DHX16: variants seen among roughly 807,000 people sequenced by gnomAD.
DHX16 encodes DEAH-box helicase 16.
Under a neutral mutation model 131.2 loss-of-function variants are expected in DHX16, and 81 were observed. The ratio of observed to expected loss-of-function variants is 0.62; its 90% CI spans 0.52 to 0.74. DHX16 has a LOEUF of 0.74. DHX16 is among the 30% of genes least tolerant of loss of function. The pLI, the probability that DHX16 is intolerant of heterozygous loss-of-function variation, is 0.00. For synonymous variants in DHX16, 440 were observed against 520.2 expected (o/e 0.85, Z 2.10); for missense variants, 980 against 1,363.1 (o/e 0.72, Z 4.43).
chr6:30,660,386 G>A (rs979266810), intron 9 of DHX16, 144 bp from the exon 10 acceptor site: 5 of 630,746 alleles, frequency 7.9e-6, no homozygotes, highest in Non-Finnish European at 1.2e-5. Flanking sequence ...GGAGAAGTCA[G>A]CCATCCCACT....
chr6:30,671,217 C>T lies in DHX16; in HGVS notation c.265G>A (p.Ala89Thr), dbSNP rs766509801. 6.2e-7 allele frequency: 1 copy of T among 1,613,044 alleles called. No individual in the cohort carries two copies. Among genetic ancestry groups the T allele is most frequent in the Non-Finnish European group, 8.5e-7 (1 of 1,180,028 alleles). ...PARAAEREAR[A>T]LLEKNRSYRL... ...TAAGATCGGTTCTTCTCCAGCAGGGCCCGGGCCTCTCGCTCTGCTGCCCGA... is the reference window on the plus strand; with the variant it reads ...TAAGATCGGTTCTTCTCCAGCAGGGTCCGGGCCTCTCGCTCTGCTGCCCGA... Residue 89 changes from alanine to threonine, a missense_variant, in exon 2 of 20, where the codon GCC becomes ACC. Around this residue, in one of 3 missense-constraint regions of DHX16, gnomAD observed 457 missense variants for 554.8 expected, o/e 0.82. Coordinates refer to ENST00000376442, the MANE Select transcript of DHX16 (RefSeq NM_003587.5).
At chr6:30,655,139 T>C (rs373398176) in intron 18 of DHX16, 36 bp downstream of exon 18, 25 of 1,613,240 alleles carry the variant, frequency 1.5e-5, no homozygotes, top group African/African-American at 5.3e-5. Flanking sequence ...GGGAAGGTAC[T>C]GGGGGTGGAA....
In DHX16 at chr6:30,672,937, A is replaced by C; in HGVS notation, c.-96T>G. The stretch of plus-strand genomic sequence containing the variant: ...GCCTGGAGCCCTCGGCTGGAGCCTC[A>C]GCTTCGCAAGTCAGCTACCTTGGGA... On this transcript the variant is annotated 5_prime_UTR_variant, in exon 1 of 20. The change abolishes the stop of an existing upstream ORF in the 5' untranslated region. Coordinates refer to ENST00000376442, the MANE Select transcript of DHX16 (RefSeq NM_003587.5). 6.4e-7 allele frequency: 1 copy of C among 1,563,052 alleles called. No homozygotes were observed. Among genetic ancestry groups the C allele is most frequent in the Non-Finnish European group, 8.7e-7 (1 of 1,153,526 alleles).
chr6:30,669,626 G>A (rs1395172047), intron 4 of DHX16, among the ~76,000 whole-genome samples: 1 of 150,704 alleles, frequency 6.6e-6, no homozygotes, highest in African/African-American at 2.4e-5. Flanking sequence ...GCGTGGTGGT[G>A]TGCGCCTGTA....
In DHX16 at chr6:30,672,301, G is replaced by C. The variant is rs563670000; in HGVS notation, c.207+334C>G. Reference sequence around the variant, plus strand: ...ACGACCGCACTCCAGCCTGGGCGACGGGGCGAGCGAGACTGTGTCTCTCAA... The same window carrying C: ...ACGACCGCACTCCAGCCTGGGCGACCGGGCGAGCGAGACTGTGTCTCTCAA... On this transcript the variant is annotated intron_variant, in intron 1 of 19. Coordinates refer to ENST00000376442, the MANE Select transcript of DHX16 (RefSeq NM_003587.5). Among the ~76,000 whole-genome samples the C allele has an allele frequency of 9.9e-4, 150 of 151,022 alleles. 1 individual carries two copies. Among genetic ancestry groups the C allele is most frequent in the African/African-American group, 3.5e-3 (143 of 41,104 alleles).
intron 7 of DHX16, among the ~76,000 whole-genome samples, chr6:30,664,102 CT>C (rs1768779175): frequency 6.6e-6 from 1 of 152,044 alleles, no homozygotes; most frequent in Non-Finnish European, 1.5e-5. Flanking sequence ...GTGGGATGAT[CT>C]CTTGAGCCCA....
rs774747303 is a variant in DHX16 at position 30,662,656 on chromosome 6, G to C, written c.1515C>G (p.Phe505Leu). 2 of 1,613,114 alleles carry C rather than the reference G, an allele frequency of 1.2e-6. No homozygotes were observed. The highest frequency in any genetic ancestry group is 2.2e-5 in the South Asian group (2 of 91,088). Residue 505 changes from phenylalanine (F) to leucine (L), a missense_variant, in exon 9 of 20, where the codon TTC becomes TTG. Coordinates refer to ENST00000376442, the MANE Select transcript of DHX16 (RefSeq NM_003587.5). This position sits in a 1 kb window ranked among gnomAD's most constrained non-coding sequence, Gnocchi z 4.7. ...YMTDGMLLREFLSEPDLASYS... is the reference protein window; with the variant it reads ...YMTDGMLLRELLSEPDLASYS... ...AACTCGCCAGGTCAGGCTCAGAGAG[G>C]AACTCCCGGAGAAGCATCCCATCTG...
At position 30,656,352 on chromosome 6, in the gene DHX16, CT is replaced by C; in HGVS notation, c.2430+38del. The C allele has an allele frequency of 6.2e-7, 1 of 1,611,350 alleles. No individual in the cohort carries two copies. The highest frequency in any genetic ancestry group is 8.5e-7 in the Non-Finnish European group (1 of 1,177,726). On this transcript the variant is annotated intron_variant, in intron 15 of 19. Transcript: ENST00000376442. The surrounding 1 kb of genome is among the most constrained non-coding windows in gnomAD (Gnocchi z 5.1). ...GGGGTCCCTGGAGCCATCCTGACCC[CT>C]ATCATCCTGCCTCCACCCATGCTGT...
In DHX16 at chr6:30,672,924, C is replaced by T. The variant is rs1422046325; in HGVS notation, c.-83G>A. The T allele has an allele frequency of 1.9e-6, 3 of 1,573,758 alleles. No individual in the cohort carries two copies. The highest frequency in any genetic ancestry group is 3.8e-5 in the Admixed American group (2 of 53,296). On this transcript the variant is annotated 5_prime_UTR_variant, in exon 1 of 20. Transcript: ENST00000376442. ...GGGCCGGTCAGAGGCCTGGAGCCCT[C>T]GGCTGGAGCCTCAGCTTCGCAAGTC...
In DHX16 at chr6:30,671,153, G is replaced by T; in HGVS notation, c.329C>A (p.Thr110Asn). Reference protein sequence around the residue: ...LEDSEESSEETVSRAGSSLQK... With the variant: ...LEDSEESSEENVSRAGSSLQK... ...GAGGCTGCTTCCAGCCCTACTCACA[G>T]TCTCCTCACTGCTCTCTTCACTGTC... The change falls in exon 2 of 20, where the codon ACT (threonine) becomes AAT (asparagine). Residue 110 changes from threonine (T) to asparagine (N), a missense_variant. Thr to Asn is a moderately conservative substitution (Grantham distance 65). Coordinates refer to ENST00000376442, the MANE Select transcript of DHX16 (RefSeq NM_003587.5). 1.2e-6 allele frequency: 2 copies of T among 1,613,016 alleles called. No individual in the cohort carries two copies. Among genetic ancestry groups the T allele is most frequent in the South Asian group, 2.2e-5 (2 of 91,076 alleles).
At chr6:30,666,928 G>C (rs1266203624) in intron 4 of DHX16, among the ~76,000 whole-genome samples, 1 of 151,982 alleles carries the variant, frequency 6.6e-6, no homozygotes, top group Non-Finnish European at 1.5e-5. Context: ...ACCTAATCTG[G>C]GTACCACAGT....
chr6:30,670,919 C>T lies in DHX16; in HGVS notation c.480G>A (p.Ser160=), dbSNP rs779786078. Residue 160 remains serine (S), a synonymous_variant, in exon 3 of 20, where the codon TCG becomes TCA. Coordinates refer to ENST00000376442, the MANE Select transcript of DHX16 (RefSeq NM_003587.5). This position sits in a 1 kb window ranked among gnomAD's most constrained non-coding sequence, Gnocchi z 4.4. Reference sequence around the variant, plus strand: ...GCTCTGTCCGTTCCCACTCATCTTCCGACTCTGGCTTCTCTGTCTGCTGTT... The same window carrying T: ...GCTCTGTCCGTTCCCACTCATCTTCTGACTCTGGCTTCTCTGTCTGCTGTT... The part of the protein sequence containing the change: ...GSKQQTEKPE[S]EDEWERTERE... The T allele has an allele frequency of 1.9e-5, 30 of 1,613,084 alleles. No individual in the cohort carries two copies. Among genetic ancestry groups the T allele is most frequent in the Non-Finnish European group, 2.2e-5 (26 of 1,180,030 alleles).
chr6:30,661,862 C>G (rs1362921427), intron 9 of DHX16: 1 of 717,906 alleles, frequency 1.4e-6, no homozygotes, highest in African/African-American at 1.7e-5. Flanking sequence ...TCCATGGGTT[C>G]TTAGAGATCT....
rs1291092597 is a variant in DHX16 at position 30,659,587 on chromosome 6, C to T, written c.1892G>A (p.Arg631His). The T allele has an allele frequency of 3.1e-6, 5 of 1,613,484 alleles. No individual in the cohort carries two copies. Among genetic ancestry groups the T allele is most frequent in the East Asian group, 2.2e-5 (1 of 44,900 alleles). ...IEAACEMLQD[R>H]CRRLGSKIRE... ...GATTTTGGAGCCCAGGCGGCGGCAG[C>T]GATCCTGGAGCATCTCACAGGCAGC... The change falls in exon 12 of 20, where the codon CGC becomes CAC. Residue 631 changes from arginine (R) to histidine (H), a missense_variant. Physicochemically the swap from Arg to His is conservative, Grantham distance 29 (BLOSUM62 0). Around this residue, in one of 3 missense-constraint regions of DHX16, gnomAD observed 309 missense variants for 537.1 expected, o/e 0.58. Transcript: ENST00000376442.
chr6:30,672,842 G>A lies in DHX16; in HGVS notation c.-1C>T, dbSNP rs768912397. ...GCTCCAGACCCGCCGGCGTCGCCATGGCGACTCACGCTCCCTGCTCCCGGC... is the reference window on the plus strand; with the variant it reads ...GCTCCAGACCCGCCGGCGTCGCCATAGCGACTCACGCTCCCTGCTCCCGGC... On this transcript the variant is annotated 5_prime_UTR_variant, in exon 1 of 20. Transcript: ENST00000376442. 5 of 1,612,276 alleles carry A rather than the reference G, an allele frequency of 3.1e-6. No homozygotes were observed. Among genetic ancestry groups the A allele is most frequent in the Admixed American group, 1.7e-5 (1 of 59,962 alleles).
intron 9 of DHX16, chr6:30,661,995 C>A: frequency 1.5e-6 from 1 of 646,300 alleles, no homozygotes; most frequent in Non-Finnish European, 2.8e-6. Flanking sequence ...TGGCCTGACC[C>A]CACCCCCATT....
At chr6:30,664,546 G>A (rs1005503667) in intron 7 of DHX16, among the ~76,000 whole-genome samples, 2 of 150,308 alleles carry the variant, frequency 1.3e-5, no homozygotes, top group East Asian at 1.9e-4. Flanking sequence ...TTTTGGCCAC[G>A]TTGGAGCATA....
chr6:30,658,026 T>C (rs538739272), intron 12 of DHX16, among the ~76,000 whole-genome samples: 1 of 152,352 alleles, frequency 6.6e-6, no homozygotes, highest in South Asian at 2.1e-4. Flanking sequence ...CCTGTGTACC[T>C]GACACACAGA....
rs753654032 is a variant in DHX16, at chr6:30,665,053, TC to T, written c.1125+17del. ...CGCTACGGGTCTTCCTCAGAAAGTC[TC>T]CCAGCTCCCCTCTTACCTCATCACC... On this transcript the variant is annotated intron_variant, in intron 6 of 19. Transcript: ENST00000376442. The surrounding 1 kb of genome is among the most constrained non-coding windows in gnomAD (Gnocchi z 4.8). 4.3e-6 allele frequency: 7 copies of T among 1,613,754 alleles called. No individual in the cohort carries two copies. Among genetic ancestry groups the T allele is most frequent in the Non-Finnish European group, 5.9e-6 (7 of 1,179,910 alleles).
Sources: allele counts gnomAD v4.1 joint callset (sites outside exome capture counted in the v4.1 genomes callset), GRCh38; gene constraint gnomAD v4.1.1; regional missense constraint gnomAD v4.1.1; non-coding constraint Gnocchi (gnomAD v3.1); transcripts MANE v1.5; gene names NCBI Gene and HGNC (gene_info 2026-07-23, HGNC 2026-07-21).